RFTN1: variants seen among roughly 807,000 people sequenced by gnomAD.
The protein encoded by RFTN1 is raftlin.
In RFTN1, 26 loss-of-function variants were observed where a neutral mutation model predicts 46.5. The observed-to-expected ratio is 0.56, with a 90% CI of 0.41 to 0.78. The LOEUF (loss-of-function observed/expected upper bound fraction) is 0.78. Ranked by LOEUF, RFTN1 falls within the 30% of genes least tolerant of loss-of-function variation. The pLI, the probability that RFTN1 is intolerant of heterozygous loss-of-function variation, is 0.00. For missense variants in RFTN1, 693 were observed against 718.7 expected, an observed-to-expected ratio of 0.96 and a Z score of 0.41; for synonymous variants, 261 against 284.2, an observed-to-expected ratio of 0.92 and a Z score of 0.82.
At chr3:16,472,304 C>T (rs964233609) in intron 2 of RFTN1, among the ~76,000 whole-genome samples, 2 of 151,978 alleles carry the variant, frequency 1.3e-5, no homozygotes, top group South Asian at 2.1e-4. Context: ...CTGCATAGCC[C>T]TCTTGCTCCC....
chr3:16,362,454 C>CCATA (rs2072894767), intron 6 of RFTN1, among the ~76,000 whole-genome samples: 1 of 152,114 alleles, frequency 6.6e-6, no homozygotes, highest in African/African-American at 2.4e-5. Flanking sequence ...TGAGTATGGA[C>CCATA]CATAGTCCAG....
Position 16,507,598 on chromosome 3 carries a change from A to AC in RFTN1, c.-9+5843_-9+5844insG, listed in dbSNP as rs2076826984. ...GTAAAAGGCAAAGTAGGGAGTTTCA[A>AC]AACACACACACACACACACACACAT... On this transcript the variant is annotated intron_variant, in intron 1 of 9. Transcript: ENST00000334133. The surrounding 1 kb of genome is among the most constrained non-coding windows in gnomAD (Gnocchi z 7.1). Among the ~76,000 whole-genome samples the AC allele has an allele frequency of 8.9e-6, 1 of 112,594 alleles. No individual in the cohort carries two copies. The highest frequency in any genetic ancestry group is 4.4e-5 in the African/African-American group (1 of 22,616). The allele number at this position is 112,594 out of a possible 152,430, so 73.9% of individuals were successfully genotyped here.
intron 7 of RFTN1, among the ~76,000 whole-genome samples, chr3:16,350,487 A>C (rs1022741020): frequency 8.0e-5 from 11 of 137,764 alleles, no homozygotes; most frequent in African/African-American, 3.0e-4. Flanking sequence ...AGCTGAGATG[A>C]ATCACTTTTT....
rs370820242 is a variant in RFTN1 at position 16,345,788 on chromosome 3, C to CTGTG, written c.1146+12140_1146+12143dup. ...TGAGCCAAAACCTTATAATAAATCT[C>CTGTG]TGTGTGTGTGTGTGTGTGTGTGTGT... On this transcript the variant is annotated intron_variant, in intron 7 of 9. Transcript: ENST00000334133. The surrounding 1 kb of genome is among the most constrained non-coding windows in gnomAD (Gnocchi z 5.2). Among the ~76,000 whole-genome samples, 2,269 of 127,234 alleles carry CTGTG rather than the reference C, an allele frequency of 0.018. 42 individuals are homozygous for CTGTG. The highest frequency in any genetic ancestry group is 0.1 in the East Asian group (467 of 4,526). 83.5% of individuals were successfully genotyped at this position (127,234 alleles called of 152,430 possible).
In RFTN1 at chr3:16,475,246, A is replaced by G. The variant is rs2076261876; in HGVS notation, c.145+18479T>C. Among the ~76,000 whole-genome samples, 1 of 152,214 alleles carries G rather than the reference A, an allele frequency of 6.6e-6. No homozygotes were observed. The highest frequency in any genetic ancestry group is 1.5e-5 in the Non-Finnish European group (1 of 68,030). On this transcript the variant is annotated intron_variant, in intron 2 of 9. Coordinates refer to ENST00000334133, the MANE Select transcript of RFTN1 (RefSeq NM_015150.2). This position sits in a 1 kb window ranked among gnomAD's most constrained non-coding sequence, Gnocchi z 4.2. ...CAGCTGGTGGAATCATAATCCAAATAAACTTTTTTTCTTTATAAATTGCCC... is the reference window on the plus strand; with the variant it reads ...CAGCTGGTGGAATCATAATCCAAATGAACTTTTTTTCTTTATAAATTGCCC...
At chr3:16,493,030 C>T (rs1038219878) in intron 2 of RFTN1, among the ~76,000 whole-genome samples, 4 of 152,230 alleles carry the variant, frequency 2.6e-5, no homozygotes, top group African/African-American at 7.2e-5. Flanking sequence ...GATGAATGAG[C>T]CCTCTTGCGA....
At chr3:16,456,909 A>G (rs1179428112) in intron 2 of RFTN1, among the ~76,000 whole-genome samples, 3 of 152,260 alleles carry the variant, frequency 2.0e-5, no homozygotes, top group African/African-American at 4.8e-5. Context: ...TCTGGTTGAC[A>G]TAGAAATGTG....
intron 6 of RFTN1, among the ~76,000 whole-genome samples, chr3:16,363,971 C>T (rs961480003): frequency 2.0e-5 from 3 of 152,230 alleles, no homozygotes; most frequent in Admixed American, 1.3e-4. Flanking sequence ...TCCCAGGTAA[C>T]GGTGCCATGT....
Position 16,484,668 on chromosome 3 carries a change from C to T in RFTN1, c.145+9057G>A, listed in dbSNP as rs763658180. On this transcript the variant is annotated intron_variant, in intron 2 of 9. Coordinates refer to ENST00000334133, the MANE Select transcript of RFTN1 (RefSeq NM_015150.2). The surrounding 1 kb of genome is among the most constrained non-coding windows in gnomAD (Gnocchi z 4.6). ...GAAAGGGGCAAAGGTGAATAAATTA[C>T]CTTTGAACTTTTTCATGTTGAAGCC... 3 of 152,178 alleles carry T rather than the reference C, an allele frequency of 2.0e-5. No individual in the cohort carries two copies. Among genetic ancestry groups the T allele is most frequent in the African/African-American group, 4.8e-5 (2 of 41,434 alleles). 9.4% of individuals were successfully genotyped at this position (152,178 alleles called of 1,614,324 possible).
intron 5 of RFTN1, among the ~76,000 whole-genome samples, chr3:16,372,736 C>T (rs770049355): frequency 7.9e-5 from 12 of 152,126 alleles, no homozygotes; most frequent in Non-Finnish European, 1.6e-4. Flanking sequence ...GGGGGTGTAG[C>T]GGAGGAAGAC....
At chr3:16,339,009 G>A (rs1036777713) in intron 7 of RFTN1, among the ~76,000 whole-genome samples, 1 of 152,170 alleles carries the variant, frequency 6.6e-6, no homozygotes, top group African/African-American at 2.4e-5. Context: ...AAAACCTTAA[G>A]AGACAGGGAA....
Position 16,341,136 on chromosome 3 carries a change from A to T in RFTN1, c.1147-14260T>A, listed in dbSNP as rs771252886. 1.3e-5 allele frequency among the ~76,000 whole-genome samples: 2 copies of T among 152,240 alleles called. No homozygotes were observed. The highest frequency in any genetic ancestry group is 2.9e-5 in the Non-Finnish European group (2 of 68,044). ...GAATGACCACATTAGAATGGCCAAG[A>T]TCCAAAACACTGACAATACTTAATG... On this transcript the variant is annotated intron_variant, in intron 7 of 9. Coordinates refer to ENST00000334133, the MANE Select transcript of RFTN1 (RefSeq NM_015150.2). The surrounding 1 kb of genome is among the most constrained non-coding windows in gnomAD (Gnocchi z 4.7).
At position 16,327,648 on chromosome 3, in the gene RFTN1, C is replaced by T. The variant is rs914419781; in HGVS notation, c.1147-772G>A. ...TGGTGGCGGGCGCCTGTAGTCCCAGCTACTCGGGAGGCTGAGGCAGGAGAA... is the reference window on the plus strand; with the variant it reads ...TGGTGGCGGGCGCCTGTAGTCCCAGTTACTCGGGAGGCTGAGGCAGGAGAA... On this transcript the variant is annotated intron_variant, in intron 7 of 9. Transcript: ENST00000334133. The surrounding 1 kb of genome is among the most constrained non-coding windows in gnomAD (Gnocchi z 4.2). Among the ~76,000 whole-genome samples, 3 of 152,074 alleles carry T rather than the reference C, an allele frequency of 2.0e-5. No individual in the cohort carries two copies. Among genetic ancestry groups the T allele is most frequent in the African/African-American group, 7.2e-5 (3 of 41,400 alleles).
At chr3:16,417,009 CTTTTTTTTTTT>C (rs72060599) in intron 3 of RFTN1, among the ~76,000 whole-genome samples, 27 of 121,296 alleles carry the variant, frequency 2.2e-4, no homozygotes, top group African/African-American at 8.9e-4. Context: ...TTTTCTTTTT[CTTTTTTTTTTT>C]TTTTTTGAGA....
intron 7 of RFTN1, among the ~76,000 whole-genome samples, chr3:16,357,161 A>C (rs1162027585): frequency 5.3e-5 from 8 of 151,816 alleles, no homozygotes; most frequent in Admixed American, 2.6e-4. Flanking sequence ...AACAAAAAAA[A>C]CCAAGAATTC....
At position 16,468,204 on chromosome 3, in the gene RFTN1, T is replaced by G. The variant is rs2076134113; in HGVS notation, c.145+25521A>C. Among the ~76,000 whole-genome samples the G allele has an allele frequency of 6.6e-6, 1 of 152,224 alleles. No individual in the cohort carries two copies. The highest frequency in any genetic ancestry group is 1.5e-5 in the Non-Finnish European group (1 of 68,036). On this transcript the variant is annotated intron_variant, in intron 2 of 9. Transcript: ENST00000334133. This position sits in a 1 kb window ranked among gnomAD's most constrained non-coding sequence, Gnocchi z 4.4. ...TCACTCTCTAGAAATTCCGTCGGCT[T>G]AATTTATGTGGCTCATTCCTCATTC...
Position 16,341,033 on chromosome 3 carries a change from G to T in RFTN1, c.1147-14157C>A, listed in dbSNP as rs1487042251. Among the ~76,000 whole-genome samples, 1 of 152,180 alleles carries T rather than the reference G, an allele frequency of 6.6e-6. No individual in the cohort carries two copies. Among genetic ancestry groups the T allele is most frequent in the Non-Finnish European group, 1.5e-5 (1 of 68,020 alleles). The stretch of plus-strand genomic sequence containing the variant: ...ATACCTCACCAAAGAAGATATGCAG[G>T]TAGCAAATAATAAGCATATAAAAAG... On this transcript the variant is annotated intron_variant, in intron 7 of 9. Coordinates refer to ENST00000334133, the MANE Select transcript of RFTN1 (RefSeq NM_015150.2). This position sits in a 1 kb window ranked among gnomAD's most constrained non-coding sequence, Gnocchi z 4.7.
rs979580184 is a variant in RFTN1, at chr3:16,489,917, CAAAAT to C, written c.145+3803_145+3807del. Among the ~76,000 whole-genome samples the C allele has an allele frequency of 3.2e-4, 48 of 151,860 alleles. No homozygotes were observed. Among genetic ancestry groups the C allele is most frequent in the African/African-American group, 1.1e-3 (44 of 41,412 alleles). On this transcript the variant is annotated intron_variant, in intron 2 of 9. Coordinates refer to ENST00000334133, the MANE Select transcript of RFTN1 (RefSeq NM_015150.2). This position sits in a 1 kb window ranked among gnomAD's most constrained non-coding sequence, Gnocchi z 4.0. ...AGCGAGACTCCATGTCAAAAAAAAACAAAATAAAGAAAGAAAAATGAGGTGAGGAC... is the reference window on the plus strand; with the variant it reads ...AGCGAGACTCCATGTCAAAAAAAAACAAAGAAAGAAAAATGAGGTGAGGAC...
At position 16,500,882 on chromosome 3, in the gene RFTN1, G is replaced by T. The variant is rs2076699549; in HGVS notation, c.-8-7005C>A. ...GAAGGCCAGGCCCTGCCCTCAGGGA[G>T]ATCACAGAGACAATGACGAGATACC... On this transcript the variant is annotated intron_variant, in intron 1 of 9. Transcript: ENST00000334133. This position sits in a 1 kb window ranked among gnomAD's most constrained non-coding sequence, Gnocchi z 5.9. Among the ~76,000 whole-genome samples, 1 of 152,226 alleles carries T rather than the reference G, an allele frequency of 6.6e-6. No individual in the cohort carries two copies. The highest frequency in any genetic ancestry group is 2.4e-5 in the African/African-American group (1 of 41,456).
Sources: gnomAD v4.1 joint callset for allele counts (sites outside exome capture counted in the v4.1 genomes callset) on GRCh38, gnomAD v4.1.1 for gene constraint, Gnocchi (gnomAD v3.1) non-coding constraint, MANE v1.5 for transcripts, NCBI Gene and HGNC (gene_info 2026-07-23, HGNC 2026-07-21) for gene names.